SLC14A2: variants seen among roughly 807,000 people sequenced by gnomAD.
The protein encoded by SLC14A2 is urea transporter 2.
Under a neutral mutation model 104.6 loss-of-function variants are expected in SLC14A2, and 91 were observed. The observed-to-expected ratio is 0.87, with a 90% CI of 0.73 to 1.04. SLC14A2 has a LOEUF of 1.04. Among genes scored for constraint, SLC14A2 ranks in the 50% least tolerant of loss-of-function variants. SLC14A2 has a pLI of 0.00. For synonymous variants in SLC14A2, 476 were observed against 466.4 expected, an observed-to-expected ratio of 1.02 and a Z score of -0.27; for missense variants, 1,189 against 1,156.0, an observed-to-expected ratio of 1.03 and a Z score of -0.41.
intron 2 of SLC14A2, among the ~76,000 whole-genome samples, chr18:45,603,280 T>G (rs2044818053): frequency 6.6e-6 from 1 of 152,182 alleles, no homozygotes; most frequent in African/African-American, 2.4e-5. Flanking sequence ...TTTTCTATTC[T>G]TTCTAGAAAT....
rs184295354 is a variant in SLC14A2 at position 45,384,125 on chromosome 18, G to T, written c.-124-99108G>T. On this transcript the variant is annotated intron_variant, in intron 1 of 20. Coordinates refer to the SLC14A2 transcript ENST00000586448. ...GGAAAATAGAGATTGGAGGTAAATG[G>T]CATATGTGTGAAAATGAGAGAGCTA... Among the ~76,000 whole-genome samples, 18 of 152,244 alleles carry T rather than the reference G, an allele frequency of 1.2e-4. 1 individual carries two copies. The East Asian group carries it at 3.1e-3, about 26-fold the overall frequency.
chr18:45,379,879 G>C (rs1294161141), intron 1 of SLC14A2, among the ~76,000 whole-genome samples: 1 of 152,168 alleles, frequency 6.6e-6, no homozygotes, highest in Non-Finnish European at 1.5e-5. Context: ...GATAAGGAAA[G>C]GAATTCTTCC....
intron 1 of SLC14A2, among the ~76,000 whole-genome samples, chr18:45,380,248 A>T (rs2085819759): frequency 6.6e-6 from 1 of 152,200 alleles, no homozygotes; most frequent in South Asian, 2.1e-4. Context: ...CCATGAAAAC[A>T]CAGTTAACCT....
the SLC14A2 span, among the ~76,000 whole-genome samples, chr18:45,205,399 G>A: frequency 2.4e-3 from 358 of 152,312 alleles, 3 homozygotes; most frequent in South Asian, 0.021. Context: ...ACTTCATGCT[G>A]TAAGTTGCAA....
chr18:45,417,186 C>T (rs891586871), intron 1 of SLC14A2, among the ~76,000 whole-genome samples: 2 of 152,166 alleles, frequency 1.3e-5, no homozygotes, highest in Non-Finnish European at 2.9e-5. Context: ...CAAAATTCTA[C>T]TAGGGATAAA....
rs897487266 is a variant in SLC14A2 at position 45,652,022 on chromosome 18, T to C, written c.1351+7862T>C. On this transcript the variant is annotated intron_variant, in intron 10 of 19. Coordinates refer to ENST00000255226, the MANE Select transcript of SLC14A2 (RefSeq NM_007163.4). ...CTGTCAGGAAACTGTCTTCGCAGCC[T>C]GAGTTTGTGGTTATATCAGACCAGT... Among the ~76,000 whole-genome samples, 50 of 152,238 alleles carry C rather than the reference T, an allele frequency of 3.3e-4. 1 individual carries two copies. The highest frequency in any genetic ancestry group is 6.6e-4 in the Non-Finnish European group (45 of 68,038).
chr18:45,334,680 G>T (rs1436690418), intron 1 of SLC14A2, among the ~76,000 whole-genome samples: 1 of 152,102 alleles, frequency 6.6e-6, no homozygotes, highest in African/African-American at 2.4e-5. Context: ...CCATAAAATA[G>T]GTTAAAAATT....
chr18:45,370,991 A>T (rs1198548327), intron 1 of SLC14A2, among the ~76,000 whole-genome samples: 2 of 152,190 alleles, frequency 1.3e-5, no homozygotes, highest in African/African-American at 4.8e-5. Flanking sequence ...TCCGATTGCC[A>T]ATAGCTTGGT....
At chr18:45,544,682 A>G (rs1598986567) in intron 2 of SLC14A2, among the ~76,000 whole-genome samples, 1 of 151,772 alleles carries the variant, frequency 6.6e-6, no homozygotes, top group South Asian at 2.1e-4. Flanking sequence ...ATCCATAAAT[A>G]GCTTTTATAA....
intron 2 of SLC14A2, among the ~76,000 whole-genome samples, chr18:45,494,149 G>C (rs749735076): frequency 3.3e-5 from 5 of 152,162 alleles, no homozygotes; most frequent in Non-Finnish European, 7.4e-5. Context: ...AGACCAGGAA[G>C]GCAAGAATTG....
intron 1 of SLC14A2, among the ~76,000 whole-genome samples, chr18:45,408,433 G>A (rs1380790996): frequency 1.3e-5 from 2 of 152,142 alleles, no homozygotes; most frequent in African/African-American, 4.8e-5. Context: ...CACCCTGAGT[G>A]AAGCTGGAAC....
chr18:45,372,593 G>A (rs895569703), intron 1 of SLC14A2, among the ~76,000 whole-genome samples: 3 of 152,080 alleles, frequency 2.0e-5, no homozygotes, highest in Admixed American at 6.6e-5. Context: ...TCAAACTTTC[G>A]TGTGCATACA....
chr18:45,241,771 G>A (rs1414524893), intron 1 of SLC14A2, among the ~76,000 whole-genome samples: 1 of 151,144 alleles, frequency 6.6e-6, no homozygotes, highest in Non-Finnish European at 1.5e-5. Flanking sequence ...AGCTTCCTGA[G>A]TAGCTGGGAT....
At position 45,625,669 on chromosome 18, in the gene SLC14A2, G is replaced by T; in HGVS notation, c.151-14G>T. On this transcript the variant is annotated splice_polypyrimidine_tract_variant and intron_variant, in intron 2 of 19. Transcript: ENST00000255226. ...AGCTGTATCATTTGATGTCTGGTTG[G>T]TTTCTCCTAAAAGGATCTCCGGTCT... The T allele has an allele frequency of 6.6e-7, 1 of 1,522,962 alleles. No individual in the cohort carries two copies. Among genetic ancestry groups the T allele is most frequent in the Non-Finnish European group, 8.8e-7 (1 of 1,139,804 alleles). The allele number at this position is 1,522,962 out of a possible 1,614,324, so 94.3% of individuals were successfully genotyped here.
At chr18:45,570,987 A>G (rs1568280744) in intron 2 of SLC14A2, among the ~76,000 whole-genome samples, 1 of 152,250 alleles carries the variant, frequency 6.6e-6, no homozygotes, top group Non-Finnish European at 1.5e-5. Flanking sequence ...AGAACATTGT[A>G]TATGAGTTGT....
chr18:45,509,900 G>T (rs1049531584), intron 2 of SLC14A2, among the ~76,000 whole-genome samples: 2 of 152,200 alleles, frequency 1.3e-5, no homozygotes, highest in Non-Finnish European at 2.9e-5. Context: ...CTGGTTCCAT[G>T]TTAGAACCTG....
chr18:45,238,409 TAAGA>T (rs2084277731), intron 1 of SLC14A2, among the ~76,000 whole-genome samples: 1 of 152,124 alleles, frequency 6.6e-6, no homozygotes, highest in African/African-American at 2.4e-5. Context: ...ATCCAAAAGG[TAAGA>T]TGGCAGCACA....
intron 2 of SLC14A2, among the ~76,000 whole-genome samples, chr18:45,602,998 T>C (rs948773706): frequency 2.0e-5 from 3 of 152,254 alleles, no homozygotes; most frequent in Non-Finnish European, 4.4e-5. Context: ...AGCAACTGAC[T>C]GATAGATTCT....
At chr18:45,287,170 C>T (rs1237471938) in intron 1 of SLC14A2, among the ~76,000 whole-genome samples, 2 of 152,178 alleles carry the variant, frequency 1.3e-5, no homozygotes, top group Non-Finnish European at 2.9e-5. Context: ...TTCCTGTTTG[C>T]CTGTGTCTAA....
Sources: allele counts gnomAD v4.1 joint callset (sites outside exome capture counted in the v4.1 genomes callset), GRCh38; gene constraint gnomAD v4.1.1; transcripts MANE v1.5; gene names NCBI Gene and HGNC (gene_info 2026-07-23, HGNC 2026-07-21).